Variants in SLC9C1 observed in about 807,000 individuals in gnomAD.
SLC9C1 encodes sodium/hydrogen exchanger 10.
Under a neutral mutation model 140.9 loss-of-function variants are expected in SLC9C1, and 97 were observed. The ratio of observed to expected loss-of-function variants is 0.69; its 90% confidence interval spans 0.58 to 0.82. The LOEUF is 0.82. Ranked by LOEUF, SLC9C1 falls within the 40% of genes least tolerant of loss-of-function variation. The pLI is 0.00. For synonymous variants in SLC9C1, 440 were observed against 442.6 expected, an observed-to-expected ratio of 0.99 and a Z score of 0.07; for missense variants, 1,340 against 1,389.3, an observed-to-expected ratio of 0.96 and a Z score of 0.56.
intron 13 of SLC9C1, among the ~76,000 whole-genome samples, chr3:112,221,733 A>G (rs2078546179): frequency 6.6e-6 from 1 of 152,028 alleles, no homozygotes; most frequent in Non-Finnish European, 1.5e-5. Flanking sequence ...AAGGAGTATT[A>G]TAATAACAGA....
At chr3:112,273,827 G>T (rs1469121683) in intron 6 of SLC9C1, among the ~76,000 whole-genome samples, 2 of 152,122 alleles carry the variant, frequency 1.3e-5, no homozygotes, top group Non-Finnish European at 2.9e-5. Flanking sequence ...AGAGTGGATT[G>T]TTTGATACCA....
At position 112,284,420 on chromosome 3, in the gene SLC9C1, T is replaced by A. The variant is rs565584277; in HGVS notation, c.88+2284A>T. On this transcript the variant is annotated intron_variant, in intron 2 of 28. Coordinates refer to ENST00000305815, the MANE Select transcript of SLC9C1 (RefSeq NM_183061.3). ...AGAAGACTGAAAGAGAATATATTAT[T>A]ACCAGTAAAAGCTGGGTTCATCATT... Among the ~76,000 whole-genome samples, 11 of 152,298 alleles carry A rather than the reference T, an allele frequency of 7.2e-5. No individual in the cohort carries two copies. The East Asian group carries it at 2.1e-3, about 29-fold the overall frequency.
In SLC9C1 at chr3:112,278,006, C is replaced by T. The variant is rs1174783970; in HGVS notation, c.319-146G>A. 17 of 544,572 alleles carry T rather than the reference C, an allele frequency of 3.1e-5. No individual in the cohort carries two copies. The East Asian group carries it at 3.6e-4, about 12-fold the overall frequency. The allele number at this position is 544,572 out of a possible 1,614,324, so 33.7% of individuals were successfully genotyped here. On this transcript the variant is annotated intron_variant, in intron 4 of 28. Transcript: ENST00000305815. ...CACAGGAGTGGGGCCATCTAGCTCACGCTGCTTCAGCTGACTTCCACTTGA... is the reference window on the plus strand; with the variant it reads ...CACAGGAGTGGGGCCATCTAGCTCATGCTGCTTCAGCTGACTTCCACTTGA...
intron 8 of SLC9C1, among the ~76,000 whole-genome samples, chr3:112,265,831 C>T (rs777129781): frequency 8.5e-5 from 13 of 152,106 alleles, no homozygotes; most frequent in Non-Finnish European, 4.4e-5. Flanking sequence ...CCTTAAAATA[C>T]TCATCTTTAG....
chr3:112,269,329 C>G (rs959775842), intron 7 of SLC9C1, among the ~76,000 whole-genome samples: 1 of 152,130 alleles, frequency 6.6e-6, no homozygotes, highest in African/African-American at 2.4e-5. Context: ...AGACTGGTCT[C>G]GAAATCCTGG....
intron 8 of SLC9C1, 75 bp from the exon 9 acceptor site, chr3:112,264,418 T>C: frequency 1.1e-6 from 1 of 879,982 alleles, no homozygotes; most frequent in Non-Finnish European, 1.5e-6. Context: ...TTTATCTATG[T>C]GAATCATTGT....
At chr3:112,180,087 G>T (rs2077410550) in intron 22 of SLC9C1, among the ~76,000 whole-genome samples, 1 of 152,160 alleles carries the variant, frequency 6.6e-6, no homozygotes, top group South Asian at 2.1e-4. Flanking sequence ...GTTATCCATT[G>T]TGTCTGAACA....
intron 28 of SLC9C1, among the ~76,000 whole-genome samples, chr3:112,151,074 G>C (rs1323083755): frequency 6.6e-6 from 1 of 151,884 alleles, no homozygotes; most frequent in Non-Finnish European, 1.5e-5. Context: ...CTGACCTCGT[G>C]ATCCACCTGC....
chr3:112,179,250 CAATT>C (rs2107950423), intron 23 of SLC9C1, among the ~76,000 whole-genome samples: 1 of 152,208 alleles, frequency 6.6e-6, no homozygotes, highest in South Asian at 2.1e-4. Context: ...ATGGTATTGA[CAATT>C]AACATATGTT....
chr3:112,157,634 A>T (rs1047131212), intron 26 of SLC9C1, among the ~76,000 whole-genome samples: 2 of 152,010 alleles, frequency 1.3e-5, no homozygotes, highest in Non-Finnish European at 2.9e-5. Flanking sequence ...TAACAACATT[A>T]ATTATTCCAA....
At chr3:112,153,864 A>C (rs1213148629) in intron 27 of SLC9C1, among the ~76,000 whole-genome samples, 1 of 152,158 alleles carries the variant, frequency 6.6e-6, no homozygotes, top group Non-Finnish European at 1.5e-5. Context: ...AACAGGCAAT[A>C]AATAGGAAAG....
At chr3:112,161,991 T>G (rs1033421624) in intron 26 of SLC9C1, among the ~76,000 whole-genome samples, 1 of 152,166 alleles carries the variant, frequency 6.6e-6, no homozygotes, top group Non-Finnish European at 1.5e-5. Context: ...TTCACGTCCC[T>G]TGTAAGTTGG....
chr3:112,258,507 C>T (rs2079676703), intron 10 of SLC9C1, among the ~76,000 whole-genome samples: 1 of 152,026 alleles, frequency 6.6e-6, no homozygotes, highest in African/African-American at 2.4e-5. Context: ...AATCTCAGCT[C>T]ACGGCAACCT....
intron 25 of SLC9C1, 42 bp downstream of exon 25, chr3:112,168,835 T>C: frequency 6.8e-7 from 1 of 1,479,868 alleles, no homozygotes; most frequent in Non-Finnish European, 9.1e-7. Context: ...TTGTTGGACA[T>C]ATGGCATATT....
intron 1 of SLC9C1, among the ~76,000 whole-genome samples, chr3:112,292,555 G>GT (rs1285019024): frequency 6.6e-6 from 1 of 151,690 alleles, no homozygotes; most frequent in South Asian, 2.1e-4. Flanking sequence ...TCTTTTTTTT[G>GT]TTTTTTGAGA....
intron 23 of SLC9C1, among the ~76,000 whole-genome samples, chr3:112,170,204 G>A (rs1179976498): frequency 6.6e-6 from 1 of 152,098 alleles, no homozygotes; most frequent in Non-Finnish European, 1.5e-5. Flanking sequence ...AAGTGAACAG[G>A]CAACCTATTC....
chr3:112,280,633 T>G (rs779926842), intron 3 of SLC9C1, 50 bp downstream of exon 3: 7 of 1,489,986 alleles, frequency 4.7e-6, no homozygotes, highest in Non-Finnish European at 6.3e-6. Flanking sequence ...ATCTCTGCAT[T>G]TATATAATTC....
At chr3:112,188,351 C>T (rs2077579291) in intron 20 of SLC9C1, among the ~76,000 whole-genome samples, 2 of 152,030 alleles carry the variant, frequency 1.3e-5, no homozygotes, top group Admixed American at 1.3e-4. Flanking sequence ...TCATCATTTA[C>T]ATTAGGTATT....
chr3:112,273,154 T>G (rs762202836), intron 6 of SLC9C1, among the ~76,000 whole-genome samples: 12 of 152,116 alleles, frequency 7.9e-5, no homozygotes, highest in Non-Finnish European at 1.8e-4. Flanking sequence ...GGGTGGCCCT[T>G]GAGTTTTTAA....
Sources: allele counts gnomAD v4.1 joint callset (sites outside exome capture counted in the v4.1 genomes callset), GRCh38; gene constraint gnomAD v4.1.1; transcripts MANE v1.5; gene names NCBI Gene and HGNC (gene_info 2026-07-23, HGNC 2026-07-21).